The following GFPT1 variants were observed in gnomAD, a reference collection of about 807,000 sequenced individuals.
GFPT1 encodes the protein glutamine--fructose-6-phosphate transaminase 1.
GFPT1 carries 40 observed loss-of-function variants against 92.0 expected under a neutral mutation model. That is an observed-to-expected ratio of 0.43 (90% CI 0.34 to 0.57). The LOEUF (loss-of-function observed/expected upper bound fraction) is 0.57, where lower values mean the gene tolerates loss of function less well. GFPT1 is among the 20% of genes least tolerant of loss of function. The probability of loss-of-function intolerance (pLI) is 0.02; values close to 1 mark genes in which losing one functional copy is unlikely to be tolerated. For missense variants in GFPT1, 448 were observed against 869.1 expected, an observed-to-expected ratio of 0.52 and a Z score of 6.09; for synonymous variants, 269 against 280.6, an observed-to-expected ratio of 0.96 and a Z score of 0.41.
intron 1 of GFPT1, 77 bp from the exon 2 acceptor site, chr2:69,374,190 A>G (rs1671817215): frequency 1.8e-5 from 13 of 741,514 alleles, no homozygotes; most frequent in Non-Finnish European, 3.1e-5. Flanking sequence ...AAGTATGTGA[A>G]AAAACGTGAA....
At chr2:69,352,387 G>C (rs1671228873) in intron 9 of GFPT1, among the ~76,000 whole-genome samples, 2 of 151,938 alleles carry the variant, frequency 1.3e-5, no homozygotes, top group South Asian at 4.1e-4. Flanking sequence ...GGCCGAGGTG[G>C]GCGGATCATG....
chr2:69,361,958 G>A (rs1671482501), intron 4 of GFPT1, among the ~76,000 whole-genome samples: 1 of 152,132 alleles, frequency 6.6e-6, no homozygotes, highest in African/African-American at 2.4e-5. Flanking sequence ...CAGCCTGGGT[G>A]GAGGAGTGAG....
intron 4 of GFPT1, among the ~76,000 whole-genome samples, chr2:69,359,605 G>C (rs1386325955): frequency 1.3e-5 from 2 of 152,132 alleles, no homozygotes; most frequent in Non-Finnish European, 2.9e-5. Context: ...TTTCAGTTGT[G>C]GCTAAACTAG....
chr2:69,328,094 CAAAA>C (rs1175703265), intron 18 of GFPT1, among the ~76,000 whole-genome samples, 173 bp downstream of exon 18: 2 of 82,784 alleles, frequency 2.4e-5, no homozygotes, highest in Admixed American at 1.3e-4. Context: ...GACTCCATCT[CAAAA>C]AAAAAAAAAA....
intron 9 of GFPT1, 42 bp from the exon 10 acceptor site, chr2:69,350,225 A>G (rs1019725626): frequency 8.2e-7 from 1 of 1,217,198 alleles, no homozygotes. Context: ...CATGTAGAAA[A>G]TCATGTCCAA....
intron 1 of GFPT1, among the ~76,000 whole-genome samples, chr2:69,382,637 A>G (rs1672036819): frequency 6.6e-6 from 1 of 152,220 alleles, no homozygotes; most frequent in African/African-American, 2.4e-5. Flanking sequence ...GCCTTTAACC[A>G]CTGTTCCTTG....
In GFPT1 at chr2:69,325,092, T is replaced by C. The variant is rs1670497659; in HGVS notation, c.*1097A>G. On this transcript the variant is annotated 3_prime_UTR_variant, in exon 20 of 20. Transcript: ENST00000357308. ...AAGCATACATACCTTTTTCTGAGCTTAGCCTACCACATATACTTAGAGTGA... is the reference window on the plus strand; with the variant it reads ...AAGCATACATACCTTTTTCTGAGCTCAGCCTACCACATATACTTAGAGTGA... 6.6e-6 allele frequency: 1 copy of C among 152,202 alleles called. No homozygotes were observed. Among genetic ancestry groups the C allele is most frequent in the Non-Finnish European group, 1.5e-5 (1 of 68,026 alleles). 9.4% of individuals were successfully genotyped at this position (152,202 alleles called of 1,614,324 possible). A position where few individuals can be genotyped will look rare whatever the true frequency, so the allele number is the denominator to read the frequency against.
chr2:69,327,054 C>T lies in GFPT1; in HGVS notation c.1915G>A (p.Asp639Asn). ...TTAATGGTCTCAGTATCCTCCTTAT[C>T]ACAAATTACCACAGGCCGCCCCTAG... ...ARQGRPVVIC[D>N]KEDTETIKNT... Residue 639 changes from aspartate (D) to asparagine (N), a missense_variant, in exon 19 of 20, where the codon GAT becomes AAT. Physicochemically the swap from Asp to Asn is conservative, Grantham distance 23. Coordinates refer to ENST00000357308, the MANE Select transcript of GFPT1 (RefSeq NM_001244710.2). 1 of 1,614,100 alleles carries T rather than the reference C, an allele frequency of 6.2e-7. No homozygotes were observed. Among genetic ancestry groups the T allele is most frequent in the Non-Finnish European group, 8.5e-7 (1 of 1,179,986 alleles).
chr2:69,372,586 T>C (rs1671778080), intron 2 of GFPT1, among the ~76,000 whole-genome samples: 1 of 151,030 alleles, frequency 6.6e-6, no homozygotes. Flanking sequence ...AAAAAAAGAA[T>C]CTTGAAGAAC....
intron 12 of GFPT1, among the ~76,000 whole-genome samples, chr2:69,342,499 A>C (rs1276801144): frequency 6.6e-6 from 1 of 152,222 alleles, no homozygotes; most frequent in Non-Finnish European, 1.5e-5. Context: ...TACAGTATTT[A>C]TTACATTCTA....
chr2:69,340,802 T>C (rs924378260), intron 13 of GFPT1, among the ~76,000 whole-genome samples: 1 of 152,188 alleles, frequency 6.6e-6, no homozygotes, highest in Non-Finnish European at 1.5e-5. Context: ...AAATCTTACA[T>C]TAGAGAATTC....
chr2:69,367,680 T>C (rs979541734), intron 3 of GFPT1, among the ~76,000 whole-genome samples: 7 of 152,124 alleles, frequency 4.6e-5, no homozygotes, highest in African/African-American at 1.7e-4. Context: ...TATTATATCA[T>C]CCCATTCCCT....
intron 3 of GFPT1, among the ~76,000 whole-genome samples, chr2:69,368,378 T>C (rs1460129026): frequency 6.6e-6 from 1 of 151,744 alleles, no homozygotes; most frequent in East Asian, 1.9e-4. Context: ...CAAGAGTCCA[T>C]CTTAAAAAAA....
chr2:69,352,854 C>G (rs1193089372), intron 9 of GFPT1, among the ~76,000 whole-genome samples: 4 of 149,600 alleles, frequency 2.7e-5, no homozygotes, highest in Non-Finnish European at 3.0e-5. Flanking sequence ...GAGATTAGCC[C>G]GGCCAAAATG....
Position 69,350,010 on chromosome 2 carries a change from C to G in GFPT1, c.845+68G>C, listed in dbSNP as rs1161414405. 3.8e-6 allele frequency: 4 copies of G among 1,046,350 alleles called. No individual in the cohort carries two copies. In the Admixed American group the frequency reaches 7.4e-5, roughly 19 times the overall value. 64.8% of individuals were successfully genotyped at this position (1,046,350 alleles called of 1,614,324 possible). A position where few individuals can be genotyped will look rare whatever the true frequency, so the allele number is the denominator to read the frequency against. On this transcript the variant is annotated intron_variant, in intron 10 of 19. Coordinates refer to ENST00000357308, the MANE Select transcript of GFPT1 (RefSeq NM_001244710.2). ...GCACAACTAGACTGATACACAATGA[C>G]TTCTTGGGTTTCCTGCAGAATGAGA...
rs138636957 is a variant in GFPT1, at chr2:69,373,972, T to A, written c.115+34A>T. 12 of 953,674 alleles carry A rather than the reference T, an allele frequency of 1.3e-5. 1 individual carries two copies. Among genetic ancestry groups the A allele is most frequent in the Middle Eastern group, 2.1e-4 (1 of 4,740 alleles). 59.1% of individuals were successfully genotyped at this position (953,674 alleles called of 1,614,324 possible). A position where few individuals can be genotyped will look rare whatever the true frequency, so the allele number is the denominator to read the frequency against. On this transcript the variant is annotated intron_variant, in intron 2 of 19. Transcript: ENST00000357308. ...ATAAAAATAGTATCTATTTAAAGAA[T>A]CATGCAAAATCCATAGTATTTTTTT...
At chr2:69,343,229 A>C (rs1670995928) in intron 12 of GFPT1, among the ~76,000 whole-genome samples, 1 of 152,316 alleles carries the variant, frequency 6.6e-6, no homozygotes, top group African/African-American at 2.4e-5. Flanking sequence ...CAACTGGTCA[A>C]CTAAAATTCC....
chr2:69,350,268 A>C, intron 9 of GFPT1, 85 bp from the exon 10 acceptor site: 1 of 909,422 alleles, frequency 1.1e-6, no homozygotes, highest in Non-Finnish European at 1.8e-6. Flanking sequence ...TATAAAATCA[A>C]GAAAAAATCA....
At chr2:69,375,858 T>A (rs562276063) in intron 1 of GFPT1, among the ~76,000 whole-genome samples, 2 of 152,252 alleles carry the variant, frequency 1.3e-5, no homozygotes, top group Admixed American at 6.5e-5. Flanking sequence ...AACATGCTGC[T>A]TAAGGATATT....
Sources: allele counts gnomAD v4.1 joint callset (sites outside exome capture counted in the v4.1 genomes callset), GRCh38; gene constraint gnomAD v4.1.1; transcripts MANE v1.5; gene names NCBI Gene and HGNC (gene_info 2026-07-23, HGNC 2026-07-21).